The following NPAS3 variants were observed in gnomAD, a reference collection of about 807,000 sequenced individuals.
NPAS3 encodes neuronal PAS domain protein 3.
NPAS3 carries 14 observed loss-of-function variants against 73.1 expected under a neutral mutation model. That is an observed-to-expected ratio of 0.19 (90% CI 0.13 to 0.30). The LOEUF is 0.30. Ranked by LOEUF, NPAS3 falls within the 10% of genes least tolerant of loss-of-function variation. The pLI, the probability that NPAS3 is intolerant of heterozygous loss-of-function variation, is 1.00. For synonymous variants in NPAS3, 620 were observed against 541.5 expected (o/e 1.14, Z -2.01); for missense variants, 1,096 against 1,250.0 (o/e 0.88, Z 1.86).
chr14:33,390,701 T>C (rs1039979772), intron 4 of NPAS3, among the ~76,000 whole-genome samples: 6 of 152,218 alleles, frequency 3.9e-5, no homozygotes, highest in African/African-American at 1.2e-4. Flanking sequence ...CCTAGGATTT[T>C]GTGGATGCTC....
chr14:33,788,453 A>G (rs2138594106), intron 9 of NPAS3, among the ~76,000 whole-genome samples: 1 of 152,344 alleles, frequency 6.6e-6, no homozygotes, highest in South Asian at 2.1e-4. Context: ...TTTTTAATGC[A>G]TATGCAAACC....
At chr14:33,560,233 CT>C (rs2055574790) in intron 5 of NPAS3, 23 bp downstream of exon 5, 2 of 852,538 alleles carry the variant, frequency 2.3e-6, no homozygotes, top group Non-Finnish European at 4.1e-6. Flanking sequence ...ATTTTAGATT[CT>C]TGGCAGCGAT....
chr14:33,193,316 TTC>T (rs142574397), intron 2 of NPAS3, among the ~76,000 whole-genome samples: 1,918 of 152,190 alleles, frequency 0.013, 46 homozygotes, highest in African/African-American at 0.044. Context: ...CAAGAATGCT[TTC>T]TGAGTGCCCA....
chr14:33,577,185 G>A (rs936547861), intron 5 of NPAS3, among the ~76,000 whole-genome samples: 2 of 152,246 alleles, frequency 1.3e-5, no homozygotes, highest in East Asian at 1.9e-4. Context: ...CAACTTGACC[G>A]AAGTGAAGCA....
rs1017297696 is a variant in NPAS3, at chr14:33,775,084, C to G, written c.1046+554C>G. ...TCATCATACAAATGAGTTGGCAGTT[C>G]TTCCTCAAGACTAAGCTTTTATAAA... is the stretch of plus-strand genomic sequence containing the variant. On this transcript the variant is annotated intron_variant, in intron 8 of 11. Transcript: ENST00000356141. Among the ~76,000 whole-genome samples, 38 of 152,176 alleles carry G rather than the reference C, an allele frequency of 2.5e-4. 1 individual carries two copies. Among genetic ancestry groups the G allele is most frequent in the Admixed American group, 1.3e-4 (2 of 15,286 alleles).
chr14:33,450,326 C>T (rs1340851284), intron 4 of NPAS3, among the ~76,000 whole-genome samples: 1 of 152,092 alleles, frequency 6.6e-6, no homozygotes, highest in Non-Finnish European at 1.5e-5. Flanking sequence ...AAGAAAAAAG[C>T]CATATGATTA....
At chr14:33,377,786 T>C (rs977633323) in intron 4 of NPAS3, among the ~76,000 whole-genome samples, 1 of 152,174 alleles carries the variant, frequency 6.6e-6, no homozygotes, top group Non-Finnish European at 1.5e-5. Context: ...ATGGGGACTT[T>C]CTAGTTGCAA....
chr14:33,111,489 T>C (rs1319173508), intron 2 of NPAS3, among the ~76,000 whole-genome samples: 2 of 152,134 alleles, frequency 1.3e-5, no homozygotes, highest in African/African-American at 4.8e-5. Context: ...GCAAACCAAC[T>C]CACTTTATAA....
At chr14:33,231,830 G>A (rs2047863153) in intron 3 of NPAS3, among the ~76,000 whole-genome samples, 1 of 152,082 alleles carries the variant, frequency 6.6e-6, no homozygotes, top group South Asian at 2.1e-4. Flanking sequence ...TTTGTATATT[G>A]ACCAGTTTTT....
intron 6 of NPAS3, chr14:33,680,588 CCTTT>C: frequency 1.4e-6 from 1 of 702,068 alleles, no homozygotes; most frequent in Non-Finnish European, 2.6e-6. Context: ...GATAAAATTC[CCTTT>C]CTGTCTCCAG....
At chr14:33,404,557 C>G (rs961470869) in intron 4 of NPAS3, among the ~76,000 whole-genome samples, 1 of 151,948 alleles carries the variant, frequency 6.6e-6, no homozygotes, top group South Asian at 2.1e-4. Context: ...AAGTATTTAT[C>G]TATTCTTAAC....
rs562331420 is a variant in NPAS3 at position 33,384,654 on chromosome 14, G to A, written c.468+17386G>A. Among the ~76,000 whole-genome samples, 17 of 152,204 alleles carry A rather than the reference G, an allele frequency of 1.1e-4. No individual in the cohort carries two copies. The East Asian group carries it at 1.2e-3, about 10-fold the overall frequency. Reference sequence around the variant, plus strand: ...TGAGGCAGGAGAATCACTTGAACCCGGGGAGGTGGAGGTTGCAGTGGGCCG... The same window carrying A: ...TGAGGCAGGAGAATCACTTGAACCCAGGGAGGTGGAGGTTGCAGTGGGCCG... On this transcript the variant is annotated intron_variant, in intron 4 of 11. Coordinates refer to ENST00000356141, the Ensembl canonical transcript of NPAS3.
intron 5 of NPAS3, among the ~76,000 whole-genome samples, chr14:33,622,361 C>G (rs1001441234): frequency 4.0e-5 from 6 of 151,690 alleles, no homozygotes; most frequent in Non-Finnish European, 8.8e-5. Flanking sequence ...TTACTATAAT[C>G]TTTAACAGCT....
At chr14:33,198,341 G>C (rs1259062605) in intron 2 of NPAS3, among the ~76,000 whole-genome samples, 1 of 151,316 alleles carries the variant, frequency 6.6e-6, no homozygotes, top group Non-Finnish European at 1.5e-5. Flanking sequence ...CCATTTTACA[G>C]AGCGCTGATT....
chr14:33,091,179 C>CA (rs1391501650), intron 2 of NPAS3, among the ~76,000 whole-genome samples: 1 of 151,946 alleles, frequency 6.6e-6, no homozygotes, highest in Non-Finnish European at 1.5e-5. Flanking sequence ...AAAAACTATT[C>CA]AAAAAATCAA....
chr14:33,791,633 A>T (rs958364538), intron 9 of NPAS3, among the ~76,000 whole-genome samples: 1 of 152,212 alleles, frequency 6.6e-6, no homozygotes, highest in Non-Finnish European at 1.5e-5. Context: ...TATTAAGAGA[A>T]AGTATTATCA....
chr14:33,557,845 C>A (rs554824601), intron 4 of NPAS3, among the ~76,000 whole-genome samples: 1 of 152,026 alleles, frequency 6.6e-6, no homozygotes, highest in Non-Finnish European at 1.5e-5. Flanking sequence ...GGCGGGTGCC[C>A]GTAGTCCCAG....
chr14:33,541,247 T>C (rs2054505024), intron 4 of NPAS3, among the ~76,000 whole-genome samples: 1 of 152,144 alleles, frequency 6.6e-6, no homozygotes, highest in African/African-American at 2.4e-5. Context: ...GCATAGTAAA[T>C]TATGCACCTT....
At chr14:33,664,709 G>C (rs1317594282) in intron 5 of NPAS3, among the ~76,000 whole-genome samples, 1 of 152,208 alleles carries the variant, frequency 6.6e-6, no homozygotes, top group Non-Finnish European at 1.5e-5. Flanking sequence ...GATATAAACA[G>C]ACAGTTCTCA....
Sources: gnomAD v4.1 joint callset for allele counts (sites outside exome capture counted in the v4.1 genomes callset) on GRCh38, gnomAD v4.1.1 for gene constraint, MANE v1.5 for transcripts, NCBI Gene and HGNC (gene_info 2026-07-23, HGNC 2026-07-21) for gene names.